Variants in FMNL2 observed in about 807,000 individuals in gnomAD.
FMNL2 encodes formin-like protein 2.
Under a neutral mutation model 130.2 loss-of-function variants are expected in FMNL2, and 51 were observed. The observed-to-expected ratio is 0.39, with a 90% CI of 0.31 to 0.49. FMNL2 has a LOEUF of 0.49. FMNL2 is among the 20% of genes least tolerant of loss of function. The pLI is 0.85. For synonymous variants in FMNL2, 465 were observed against 467.1 expected (o/e 1.00, Z 0.06); for missense variants, 977 against 1,316.2 (o/e 0.74, Z 3.99).
intron 1 of FMNL2, among the ~76,000 whole-genome samples, chr2:152,354,430 G>A (rs929807867): frequency 5.3e-5 from 8 of 151,994 alleles, no homozygotes; most frequent in African/African-American, 1.5e-4. Context: ...TCAAGAATAC[G>A]GTGCCATCTG....
rs1201814736 is a variant in FMNL2 at position 152,629,695 on chromosome 2, T to G, written c.2440T>G (p.Ser814Ala). The change falls in exon 19 of 26, where the codon TCG becomes GCG. Residue 814 changes from serine to alanine, a missense_variant. Physicochemically the swap from Ser to Ala is moderately conservative, Grantham distance 99. Coordinates refer to ENST00000288670, the MANE Select transcript of FMNL2 (RefSeq NM_052905.4). Reference protein sequence around the residue: ...AIIAASVSIKSSQKLKKILEI... With the variant: ...AIIAASVSIKASQKLKKILEI... ...TATAGCAGCATCTGTCTCTATAAAG[T>G]CGTCCCAAAAACTCAAGAAAATTCT... The G allele has an allele frequency of 1.2e-6, 2 of 1,603,720 alleles. No individual in the cohort carries two copies. The highest frequency in any genetic ancestry group is 4.5e-5 in the East Asian group (2 of 44,682).
Position 152,402,093 on chromosome 2 carries a change from A to G in FMNL2, c.117+66373A>G, listed in dbSNP as rs184531491. ...AATTTTTTGTATTTTTAGTAGAGACAGGGTTTCACCATGTTAGCCAGGATG... is the reference window on the plus strand; with the variant it reads ...AATTTTTTGTATTTTTAGTAGAGACGGGGTTTCACCATGTTAGCCAGGATG... On this transcript the variant is annotated intron_variant, in intron 1 of 25. Coordinates refer to ENST00000288670, the MANE Select transcript of FMNL2 (RefSeq NM_052905.4). 1.1e-3 allele frequency among the ~76,000 whole-genome samples: 164 copies of G among 151,984 alleles called. 2 individuals are homozygous for G. The highest frequency in any genetic ancestry group is 8.8e-3 in the East Asian group (45 of 5,140).
chr2:152,415,204 A>C (rs909943097), intron 1 of FMNL2, among the ~76,000 whole-genome samples: 3 of 151,858 alleles, frequency 2.0e-5, no homozygotes, highest in African/African-American at 7.3e-5. Context: ...GGGATTGATC[A>C]TGTTAATGTG....
chr2:152,482,154 A>G (rs551789124), intron 1 of FMNL2, among the ~76,000 whole-genome samples: 1 of 152,334 alleles, frequency 6.6e-6, no homozygotes, highest in African/African-American at 2.4e-5. Context: ...AAAAGTTTCA[A>G]ATTCCTAAAT....
intron 1 of FMNL2, among the ~76,000 whole-genome samples, chr2:152,415,083 G>A (rs1173984090): frequency 6.6e-6 from 1 of 152,000 alleles, no homozygotes; most frequent in Non-Finnish European, 1.5e-5. Flanking sequence ...CTAATACTTG[G>A]GTCATTTTAA....
At chr2:152,435,192 G>A (rs893646643) in intron 1 of FMNL2, among the ~76,000 whole-genome samples, 39 of 152,042 alleles carry the variant, frequency 2.6e-4, no homozygotes, top group African/African-American at 8.2e-4. Context: ...TTGTTTAAGG[G>A]AAAATGAGGC....
chr2:152,616,740 C>T (rs137890692), intron 12 of FMNL2, among the ~76,000 whole-genome samples: 13 of 152,228 alleles, frequency 8.5e-5, no homozygotes, highest in South Asian at 4.1e-4. Context: ...AGGCTGATGG[C>T]CCTTTCTTGG....
At chr2:152,528,299 C>T (rs1359320791) in intron 2 of FMNL2, among the ~76,000 whole-genome samples, 2 of 152,144 alleles carry the variant, frequency 1.3e-5, no homozygotes, top group Non-Finnish European at 2.9e-5. Flanking sequence ...CCTACGGCTG[C>T]CATAACAAAT....
chr2:152,421,322 C>T (rs1275223694), intron 1 of FMNL2, among the ~76,000 whole-genome samples: 3 of 152,182 alleles, frequency 2.0e-5, no homozygotes, highest in Non-Finnish European at 4.4e-5. Flanking sequence ...AATTATCCTA[C>T]TATATTTGCA....
At chr2:152,574,686 G>A (rs1696379602) in intron 6 of FMNL2, among the ~76,000 whole-genome samples, 1 of 152,068 alleles carries the variant, frequency 6.6e-6, no homozygotes, top group Non-Finnish European at 1.5e-5. Flanking sequence ...AGATTACTTT[G>A]TTTTACACTG....
At chr2:152,536,462 C>T (rs138454422) in intron 2 of FMNL2, among the ~76,000 whole-genome samples, 115 of 152,256 alleles carry the variant, frequency 7.6e-4, no homozygotes, top group African/African-American at 2.6e-3. Flanking sequence ...GGAAAGGATG[C>T]CCAACTACTT....
At chr2:152,565,322 C>T (rs1372100628) in intron 6 of FMNL2, among the ~76,000 whole-genome samples, 1 of 152,136 alleles carries the variant, frequency 6.6e-6, no homozygotes, top group Non-Finnish European at 1.5e-5. Flanking sequence ...AGTTGGTCCT[C>T]AGGGTAAGGA....
chr2:152,477,489 C>A (rs1372995808), intron 1 of FMNL2, among the ~76,000 whole-genome samples: 1 of 152,168 alleles, frequency 6.6e-6, no homozygotes, highest in Non-Finnish European at 1.5e-5. Flanking sequence ...CTTGTTTCTT[C>A]TTCCTTGATT....
chr2:152,337,176 C>G (rs1315626089), intron 1 of FMNL2, among the ~76,000 whole-genome samples: 2 of 152,164 alleles, frequency 1.3e-5, no homozygotes, highest in Non-Finnish European at 2.9e-5. Flanking sequence ...TCTCCCACAG[C>G]TGCTCCCACC....
chr2:152,387,864 G>C (rs1490196140), intron 1 of FMNL2, among the ~76,000 whole-genome samples: 1 of 151,122 alleles, frequency 6.6e-6, no homozygotes, highest in Non-Finnish European at 1.5e-5. Context: ...ATGTTGCCCA[G>C]GCTGGTCTTG....
At chr2:152,591,827 A>G (rs1454463932) in intron 9 of FMNL2, among the ~76,000 whole-genome samples, 1 of 152,054 alleles carries the variant, frequency 6.6e-6, no homozygotes, top group Non-Finnish European at 1.5e-5. Context: ...TAAGGCAGCC[A>G]GGTGCGGTGG....
At chr2:152,491,106 T>C (rs1579798271) in intron 1 of FMNL2, among the ~76,000 whole-genome samples, 1 of 152,144 alleles carries the variant, frequency 6.6e-6, no homozygotes, top group Non-Finnish European at 1.5e-5. Flanking sequence ...GGTGTTGCTA[T>C]TTGAAAATCA....
At chr2:152,464,127 A>G (rs1237158533) in intron 1 of FMNL2, among the ~76,000 whole-genome samples, 1 of 152,090 alleles carries the variant, frequency 6.6e-6, no homozygotes, top group African/African-American at 2.4e-5. Context: ...TATTTTTAGT[A>G]GAGACAGGGT....
chr2:152,610,422 C>G (rs1389618932), intron 10 of FMNL2, among the ~76,000 whole-genome samples: 1 of 152,132 alleles, frequency 6.6e-6, no homozygotes, highest in Non-Finnish European at 1.5e-5. Flanking sequence ...GTCACCCCCC[C>G]AGAAAAAAGT....
Sources: gnomAD v4.1 joint callset for allele counts (sites outside exome capture counted in the v4.1 genomes callset) on GRCh38, gnomAD v4.1.1 for gene constraint, MANE v1.5 for transcripts, NCBI Gene and HGNC (gene_info 2026-07-23, HGNC 2026-07-21) for gene names.